The following TINCR variants were observed in gnomAD, a reference collection of about 807,000 sequenced individuals.
TINCR encodes TINCR ubiquitin domain containing.
At chr19:5,567,626 G>GCCTC in intron 1 of TINCR, 39 bp downstream of exon 1, 1 of 202,442 alleles carries the variant, frequency 4.9e-6, no homozygotes, top group Non-Finnish European at 9.8e-6. Context: ...GTCCCCGGCC[G>GCCTC]CCGCCCCCGC....
downstream of TINCR, chr19:5,561,227 C>G (rs963274102): frequency 5.2e-5 from 8 of 153,878 alleles, no homozygotes; most frequent in East Asian, 1.5e-3. Context: ...GGAGCAACAA[C>G]CTCAAAGTCA....
intron 1 of TINCR, among the ~76,000 whole-genome samples, chr19:5,566,620 A>G (rs1313183083): frequency 6.6e-6 from 1 of 152,038 alleles, no homozygotes; most frequent in Non-Finnish European, 1.5e-5. Context: ...GCAGAGACAG[A>G]GACAAATGGA....
Position 5,565,358 on chromosome 19 carries a change from C to T in TINCR, c.260+2307G>A, listed in dbSNP as rs1227810450. The stretch of plus-strand genomic sequence containing the variant: ...CCCCCAGTCACTGATCCCTCTCCAC[C>T]TTCCCTGCATCCCCCACAGCGCCAA... On this transcript the variant is annotated intron_variant, in intron 1 of 1. Coordinates refer to ENST00000646160, the Ensembl canonical transcript of TINCR. This position sits in a 1 kb window ranked among gnomAD's most constrained non-coding sequence, Gnocchi z 4.0. Among the ~76,000 whole-genome samples the T allele has an allele frequency of 6.6e-6, 1 of 152,200 alleles. No homozygotes were observed. Among genetic ancestry groups the T allele is most frequent in the Non-Finnish European group, 1.5e-5 (1 of 68,042 alleles).
rs2052125977 is a variant in TINCR, at chr19:5,565,896, T to C, written c.260+1769A>G. Among the ~76,000 whole-genome samples the C allele has an allele frequency of 6.6e-6, 1 of 152,174 alleles. No individual in the cohort carries two copies. Among genetic ancestry groups the C allele is most frequent in the South Asian group, 2.1e-4 (1 of 4,830 alleles). On this transcript the variant is annotated intron_variant, in intron 1 of 1. Transcript: ENST00000646160. This position sits in a 1 kb window ranked among gnomAD's most constrained non-coding sequence, Gnocchi z 4.0. ...TGCTTCCAAGGAGGTGGTCCCAGGC[T>C]CTGAGACGAGGCCCCACCATCTTCA...
At chr19:5,562,170 G>C (rs566642137), downstream of TINCR, 3 of 152,806 alleles carry the variant, frequency 2.0e-5, no homozygotes, top group Non-Finnish European at 4.4e-5. This position sits in a 1 kb window ranked among gnomAD's most constrained non-coding sequence, Gnocchi z 4.4. Context: ...CCAGTACCCA[G>C]GTCCCCTTGG....
chr19:5,561,899 G>A (rs1384893373), downstream of TINCR, among the ~76,000 whole-genome samples: 2 of 152,156 alleles, frequency 1.3e-5, no homozygotes, highest in Non-Finnish European at 2.9e-5. Context: ...CCACGTGTTA[G>A]TCCAAAAAGA....
chr19:5,567,047 G>A (rs1270036780), intron 1 of TINCR, among the ~76,000 whole-genome samples: 1 of 151,464 alleles, frequency 6.6e-6, no homozygotes, highest in African/African-American at 2.4e-5. Flanking sequence ...CACACAGAGA[G>A]GAAAAAACAG....
downstream of TINCR, chr19:5,558,349 C>T (rs180759742): frequency 1.3e-5 from 2 of 152,288 alleles, no homozygotes; most frequent in Admixed American, 1.3e-4. Flanking sequence ...CAGCAGGGTC[C>T]TTGAGGGAAG....
At position 5,563,429 on chromosome 19, in the gene TINCR, G is replaced by A. The variant is rs2052111477; in HGVS notation, c.261-480C>T. On this transcript the variant is annotated intron_variant, in intron 1 of 1. Transcript: ENST00000646160. This position sits in a 1 kb window ranked among gnomAD's most constrained non-coding sequence, Gnocchi z 4.7. Reference sequence around the variant, plus strand: ...GGAACCAGCTGAAGGACAGATAGAGGGGCTTGGGAGGAAGAGAGGAATAGA... The same window carrying A: ...GGAACCAGCTGAAGGACAGATAGAGAGGCTTGGGAGGAAGAGAGGAATAGA... Among the ~76,000 whole-genome samples the A allele has an allele frequency of 6.6e-6, 1 of 152,132 alleles. No individual in the cohort carries two copies. The highest frequency in any genetic ancestry group is 1.5e-5 in the Non-Finnish European group (1 of 68,028).
Position 5,563,093 on chromosome 19 carries a change from G to A in TINCR, c.261-144C>T, listed in dbSNP as rs1350414433. The stretch of plus-strand genomic sequence containing the variant: ...CGAGGAGGCCTGTGTGGCTGGAGCA[G>A]AGTGAGGAAGGGGAAGAGAGGGAGG... On this transcript the variant is annotated intron_variant, in intron 1 of 1. Coordinates refer to ENST00000646160, the Ensembl canonical transcript of TINCR. The surrounding 1 kb of genome is among the most constrained non-coding windows in gnomAD (Gnocchi z 4.7). The A allele has an allele frequency of 6.5e-6, 1 of 152,962 alleles. No homozygotes were observed. Among genetic ancestry groups the A allele is most frequent in the Non-Finnish European group, 1.5e-5 (1 of 68,732 alleles). The allele number at this position is 152,962 out of a possible 1,614,324, so 9.5% of individuals were successfully genotyped here. A position where few individuals can be genotyped will look rare whatever the true frequency, so the allele number is the denominator to read the frequency against.
downstream of TINCR, chr19:5,562,207 A>C (rs1335037396): frequency 6.5e-6 from 1 of 152,726 alleles, no homozygotes; most frequent in Non-Finnish European, 1.5e-5. This position sits in a 1 kb window ranked among gnomAD's most constrained non-coding sequence, Gnocchi z 4.4. Flanking sequence ...TCCAACCCAG[A>C]CTACCTGAAA....
chr19:5,558,487 G>T (rs888168139), downstream of TINCR: 5 of 152,346 alleles, frequency 3.3e-5, no homozygotes, highest in African/African-American at 1.2e-4. Flanking sequence ...GAGGGACTGT[G>T]GCCCAAACTC....
At chr19:5,564,273 C>T (rs111780351) in intron 1 of TINCR, among the ~76,000 whole-genome samples, 326 of 152,308 alleles carry the variant, frequency 2.1e-3, no homozygotes, top group Admixed American at 3.9e-3. Flanking sequence ...GTGTTTTTCT[C>T]ATTTCTCACA....
In TINCR at chr19:5,565,686, G is replaced by A. The variant is rs1303232282; in HGVS notation, c.260+1979C>T. On this transcript the variant is annotated intron_variant, in intron 1 of 1. Coordinates refer to ENST00000646160, the Ensembl canonical transcript of TINCR. The surrounding 1 kb of genome is among the most constrained non-coding windows in gnomAD (Gnocchi z 4.0). ...CCCGCTAAGATCTTCCCTCAAGAGGGCCTGGGGAGGGGGCCTCTCCTGCCC... is the reference window on the plus strand; with the variant it reads ...CCCGCTAAGATCTTCCCTCAAGAGGACCTGGGGAGGGGGCCTCTCCTGCCC... 1.3e-5 allele frequency among the ~76,000 whole-genome samples: 2 copies of A among 152,044 alleles called. No homozygotes were observed. Among genetic ancestry groups the A allele is most frequent in the Admixed American group, 1.3e-4 (2 of 15,258 alleles).
At chr19:5,559,334 CTT>C (rs139980198), downstream of TINCR, 85,064 of 131,332 alleles carry the variant, frequency 0.65, 26,975 homozygotes, top group East Asian at 0.82. Flanking sequence ...GGCTGTCAAT[CTT>C]TTTTTTTTTT....
At chr19:5,559,421 G>C (rs989792426), downstream of TINCR, 7 of 149,878 alleles carry the variant, frequency 4.7e-5, no homozygotes. Flanking sequence ...TGCAACCTCT[G>C]CCTCCCGGGT....
At chr19:5,566,321 C>T (rs755852504) in intron 1 of TINCR, among the ~76,000 whole-genome samples, 5 of 147,080 alleles carry the variant, frequency 3.4e-5, no homozygotes, top group East Asian at 4.0e-4. Flanking sequence ...AAATACACAG[C>T]GGGAAGAGAC....
In TINCR at chr19:5,565,307, G is replaced by A. The variant is rs754853630; in HGVS notation, c.260+2358C>T. On this transcript the variant is annotated intron_variant, in intron 1 of 1. Coordinates refer to ENST00000646160, the Ensembl canonical transcript of TINCR. This position sits in a 1 kb window ranked among gnomAD's most constrained non-coding sequence, Gnocchi z 4.0. The stretch of plus-strand genomic sequence containing the variant: ...AACCACCTCCTCCACATCATAGCCT[G>A]ACATGTCACCTTTCCGGAGAGGCGT... Among the ~76,000 whole-genome samples the A allele has an allele frequency of 3.9e-5, 6 of 152,108 alleles. No individual in the cohort carries two copies. Among genetic ancestry groups the A allele is most frequent in the Admixed American group, 6.6e-5 (1 of 15,260 alleles).
intron 1 of TINCR, among the ~76,000 whole-genome samples, chr19:5,566,617 C>T (rs2052130944): frequency 6.6e-6 from 1 of 150,970 alleles, no homozygotes; most frequent in Non-Finnish European, 1.5e-5. Flanking sequence ...ACAGCAGAGA[C>T]AGAGACAAAT....
Sources: allele counts gnomAD v4.1 joint callset (sites outside exome capture counted in the v4.1 genomes callset), GRCh38; gene constraint gnomAD v4.1.1; non-coding constraint Gnocchi (gnomAD v3.1); transcripts MANE v1.5; gene names NCBI Gene and HGNC (gene_info 2026-07-23, HGNC 2026-07-21).